The following RSRC1 variants were observed in gnomAD, a reference collection of about 807,000 sequenced individuals.
The protein encoded by RSRC1 is arginine and serine rich coiled-coil 1.
In RSRC1, 39 loss-of-function variants were observed where a neutral mutation model predicts 49.1. That is an observed-to-expected ratio of 0.79 (90% CI 0.61 to 1.04). The LOEUF (loss-of-function observed/expected upper bound fraction) is 1.04. Among genes scored for constraint, RSRC1 ranks in the 50% least tolerant of loss-of-function variants. RSRC1 has a pLI of 0.00. For missense variants in RSRC1, 388 were observed against 402.4 expected (o/e 0.96, Z 0.31); for synonymous variants, 143 against 130.8 (o/e 1.09, Z -0.63).
chr3:158,250,258 A>G (rs1239754398), intron 4 of RSRC1, among the ~76,000 whole-genome samples: 4 of 152,162 alleles, frequency 2.6e-5, no homozygotes, highest in Admixed American at 2.6e-4. Context: ...GGCTATTGTG[A>G]ATAGTGCTGC....
At chr3:158,257,977 C>G (rs892652492) in intron 4 of RSRC1, among the ~76,000 whole-genome samples, 5 of 152,012 alleles carry the variant, frequency 3.3e-5, no homozygotes, top group African/African-American at 1.2e-4. Context: ...TGTCCTGTCT[C>G]TATTGATAGC....
At chr3:158,342,254 A>G (rs920197001) in intron 5 of RSRC1, among the ~76,000 whole-genome samples, 1 of 152,166 alleles carries the variant, frequency 6.6e-6, no homozygotes, top group Non-Finnish European at 1.5e-5. Context: ...GCAGAATGAT[A>G]TGGTTTGGCT....
intron 6 of RSRC1, among the ~76,000 whole-genome samples, chr3:158,442,889 C>T (rs895111691): frequency 4.6e-5 from 7 of 152,064 alleles, no homozygotes; most frequent in South Asian, 2.1e-4. Context: ...TGTTAGCAGG[C>T]GTGAAAACAG....
chr3:158,179,037 T>C (rs1719431515), intron 3 of RSRC1, among the ~76,000 whole-genome samples: 1 of 152,226 alleles, frequency 6.6e-6, no homozygotes, highest in Non-Finnish European at 1.5e-5. Context: ...GTCAATGTTA[T>C]CAATTTTTCC....
At chr3:158,427,164 T>C (rs1405223364) in intron 6 of RSRC1, among the ~76,000 whole-genome samples, 1 of 150,984 alleles carries the variant, frequency 6.6e-6, no homozygotes, top group Non-Finnish European at 1.5e-5. Context: ...GCTGGAATCA[T>C]AGAAATAATA....
Position 158,410,088 on chromosome 3 carries a change from C to G in RSRC1, c.584-50847C>G, listed in dbSNP as rs143759793. On this transcript the variant is annotated intron_variant, in intron 6 of 9. Coordinates refer to ENST00000611884, the MANE Select transcript of RSRC1 (RefSeq NM_001271838.2). ...AAATCACAGTAAAATGGTTTCTTAA[C>G]AGAATTGTAATGAAGTTACTATTTT... Among the ~76,000 whole-genome samples the G allele has an allele frequency of 2.7e-3, 416 of 152,194 alleles. 2 individuals carry two copies. Among genetic ancestry groups the G allele is most frequent in the Admixed American group, 4.5e-3 (68 of 15,274 alleles).
chr3:158,433,596 A>C (rs1459061377), intron 6 of RSRC1, among the ~76,000 whole-genome samples: 1 of 151,996 alleles, frequency 6.6e-6, no homozygotes, highest in Non-Finnish European at 1.5e-5. Flanking sequence ...ATTTTAGCAC[A>C]CATATTACTT....
chr3:158,489,151 C>T (rs1363771006), intron 7 of RSRC1, among the ~76,000 whole-genome samples: 2 of 152,132 alleles, frequency 1.3e-5, no homozygotes. Flanking sequence ...TTTGTTATCT[C>T]GTCACTAAAA....
chr3:158,448,620 A>G (rs958443761), intron 6 of RSRC1, among the ~76,000 whole-genome samples: 9 of 151,992 alleles, frequency 5.9e-5, no homozygotes, highest in African/African-American at 2.2e-4. Flanking sequence ...ATGCCTATTC[A>G]GGTGAAGAAC....
chr3:158,541,281 A>G (rs947011840), intron 8 of RSRC1, among the ~76,000 whole-genome samples: 4 of 152,008 alleles, frequency 2.6e-5, no homozygotes, highest in Non-Finnish European at 5.9e-5. Context: ...TAGCCACCCA[A>G]TCTAAAGTAG....
intron 3 of RSRC1, among the ~76,000 whole-genome samples, chr3:158,164,135 G>C (rs1718402820): frequency 6.6e-6 from 1 of 151,998 alleles, no homozygotes; most frequent in Admixed American, 6.6e-5. Context: ...TCTGAATTTT[G>C]CCTGTTGAAT....
intron 3 of RSRC1, among the ~76,000 whole-genome samples, chr3:158,162,122 C>T (rs897658680): frequency 3.9e-5 from 6 of 152,198 alleles, no homozygotes; most frequent in African/African-American, 1.4e-4. Context: ...CTGCCAAAAT[C>T]TTGATGGATC....
chr3:158,426,339 A>C (rs1223569160), intron 6 of RSRC1, among the ~76,000 whole-genome samples: 1 of 151,660 alleles, frequency 6.6e-6, no homozygotes, highest in Non-Finnish European at 1.5e-5. Flanking sequence ...TGGAATATAT[A>C]AAGTAGTCTT....
In RSRC1 at chr3:158,203,137, C is replaced by G. The variant is rs1380823767; in HGVS notation, c.386C>G (p.Thr129Arg). The part of the protein sequence containing the change: ...RSSERSSHRR[T>R]RSRSRDRERR... ...AGTGAAAGGTCCAGTCACAGAAGAA[C>G]GCGTAGTCGGTCTCGGGATAGAGAA... Residue 129 changes from threonine (T) to arginine (R), a missense_variant, in exon 4 of 10, where the codon ACG (threonine) becomes AGG (arginine). Transcript: ENST00000611884. 6.2e-7 allele frequency: 1 copy of G among 1,613,494 alleles called. No individual in the cohort carries two copies.
intron 6 of RSRC1, among the ~76,000 whole-genome samples, chr3:158,397,601 T>C (rs978488157): frequency 6.6e-6 from 1 of 152,140 alleles, no homozygotes; most frequent in African/African-American, 2.4e-5. Context: ...CAGCATTGTC[T>C]GTTAGTGTAT....
chr3:158,481,143 C>A (rs1346700488), intron 7 of RSRC1, among the ~76,000 whole-genome samples: 1 of 152,036 alleles, frequency 6.6e-6, no homozygotes, highest in African/African-American at 2.4e-5. Flanking sequence ...TTTATATTGT[C>A]ATGTGACTCA....
intron 3 of RSRC1, among the ~76,000 whole-genome samples, chr3:158,169,098 G>T (rs925223686): frequency 6.6e-6 from 1 of 152,028 alleles, no homozygotes; most frequent in African/African-American, 2.4e-5. Flanking sequence ...TAATATCAGC[G>T]TGATGCTGCC....
At chr3:158,416,369 G>C (rs1306399710) in intron 6 of RSRC1, among the ~76,000 whole-genome samples, 1 of 152,006 alleles carries the variant, frequency 6.6e-6, no homozygotes, top group Non-Finnish European at 1.5e-5. Flanking sequence ...ACAGTAAAAT[G>C]ATCTGTACCA....
intron 4 of RSRC1, among the ~76,000 whole-genome samples, chr3:158,243,521 C>T (rs1559959012): frequency 1.3e-5 from 2 of 152,038 alleles, no homozygotes; most frequent in Admixed American, 1.3e-4. Flanking sequence ...ATTGCCTTGG[C>T]TATTGCAGCT....
Sources: gnomAD v4.1 joint callset for allele counts (sites outside exome capture counted in the v4.1 genomes callset) on GRCh38, gnomAD v4.1.1 for gene constraint, MANE v1.5 for transcripts, NCBI Gene and HGNC (gene_info 2026-07-23, HGNC 2026-07-21) for gene names.